Variants in POU6F2 observed in about 807,000 individuals in gnomAD.
POU6F2 encodes the protein POU class 6 homeobox 2, also known as POU domain, class 6, transcription factor 2.
In POU6F2, 31 loss-of-function variants were observed where a neutral mutation model predicts 71.3. The observed-to-expected ratio is 0.43, with a 90% confidence interval of 0.33 to 0.59. The LOEUF is 0.59. Among genes scored for constraint, POU6F2 ranks in the 20% least tolerant of loss-of-function variants. POU6F2 has a pLI of 0.04. For synonymous variants in POU6F2, 347 were observed against 355.7 expected, an observed-to-expected ratio of 0.98 and a Z score of 0.27; for missense variants, 783 against 856.8, an observed-to-expected ratio of 0.91 and a Z score of 1.07.
At chr7:39,443,901 TC>T (rs1457456554) in intron 7 of POU6F2, among the ~76,000 whole-genome samples, 2 of 152,206 alleles carry the variant, frequency 1.3e-5, no homozygotes, top group African/African-American at 4.8e-5. Context: ...AGAGCATAGT[TC>T]TGAAGGTAAA....
chr7:39,353,233 C>G (rs1267670735), intron 5 of POU6F2, among the ~76,000 whole-genome samples: 1 of 152,196 alleles, frequency 6.6e-6, no homozygotes, highest in African/African-American at 2.4e-5. Flanking sequence ...CTTCAAAGAA[C>G]AGAAACCTAC....
At chr7:39,366,625 A>T (rs1786507450) in intron 5 of POU6F2, among the ~76,000 whole-genome samples, 1 of 152,124 alleles carries the variant, frequency 6.6e-6, no homozygotes, top group South Asian at 2.1e-4. Flanking sequence ...GCGGGTAGGG[A>T]ACAGCCACCA....
rs562818824 is a variant in POU6F2, at chr7:38,999,388, G to T, written c.105+21330G>T. ...GGGTTTTCATAAAGGCATGATCCAAGGCTGTTCAGGTACTCCATTTTTATC... is the reference window on the plus strand; with the variant it reads ...GGGTTTTCATAAAGGCATGATCCAATGCTGTTCAGGTACTCCATTTTTATC... On this transcript the variant is annotated intron_variant, in intron 1 of 9. Transcript: ENST00000518318. Among the ~76,000 whole-genome samples the T allele has an allele frequency of 2.6e-5, 4 of 152,282 alleles. No individual in the cohort carries two copies. In the South Asian group the frequency reaches 8.3e-4, roughly 32 times the overall value.
chr7:39,196,146 A>C (rs1274160607), intron 2 of POU6F2, among the ~76,000 whole-genome samples: 2 of 152,208 alleles, frequency 1.3e-5, no homozygotes, highest in Non-Finnish European at 2.9e-5. Flanking sequence ...GCGGCCAGCC[A>C]GGAGAGAAAA....
At chr7:39,317,472 G>C (rs896458730) in intron 4 of POU6F2, among the ~76,000 whole-genome samples, 2 of 152,204 alleles carry the variant, frequency 1.3e-5, no homozygotes, top group Non-Finnish European at 1.5e-5. Flanking sequence ...TCACAACTCA[G>C]TTTTTGTGCC....
chr7:39,184,902 A>T lies in POU6F2; in HGVS notation c.278-19333A>T, dbSNP rs1048249765. Among the ~76,000 whole-genome samples, 12 of 152,308 alleles carry T rather than the reference A, an allele frequency of 7.9e-5. No homozygotes were observed. The South Asian group carries it at 1.5e-3, about 18-fold the overall frequency. ...TATGTAACCAGAACAAACAGAGGAC[A>T]TAGGAAAGGTGGAAAAAAGTTAGAT... On this transcript the variant is annotated intron_variant, in intron 2 of 9. Coordinates refer to ENST00000518318, the MANE Select transcript of POU6F2 (RefSeq NM_001370959.1).
At chr7:39,040,490 A>G (rs1790171231) in intron 1 of POU6F2, among the ~76,000 whole-genome samples, 1 of 151,756 alleles carries the variant, frequency 6.6e-6, no homozygotes, top group Non-Finnish European at 1.5e-5. Context: ...AATGGAATGA[A>G]AATTTTCTGT....
intron 4 of POU6F2, among the ~76,000 whole-genome samples, chr7:39,217,708 A>G (rs539313217): frequency 4.6e-5 from 7 of 152,316 alleles, no homozygotes; most frequent in Admixed American, 3.3e-4. Context: ...AATCCACCAT[A>G]AAGAAGTTAT....
chr7:39,352,211 G>A (rs1735109520), intron 5 of POU6F2, among the ~76,000 whole-genome samples: 1 of 152,158 alleles, frequency 6.6e-6, no homozygotes, highest in African/African-American at 2.4e-5. Context: ...GTGGTCTGTG[G>A]CCACTAACTA....
At chr7:39,283,401 A>C (rs901203333) in intron 4 of POU6F2, among the ~76,000 whole-genome samples, 2 of 152,150 alleles carry the variant, frequency 1.3e-5, no homozygotes, top group African/African-American at 4.8e-5. Flanking sequence ...ACTCAAGCTC[A>C]GTACTCATTA....
At chr7:39,072,952 T>C (rs1406766073) in intron 1 of POU6F2, among the ~76,000 whole-genome samples, 1 of 152,200 alleles carries the variant, frequency 6.6e-6, no homozygotes, top group Non-Finnish European at 1.5e-5. Flanking sequence ...GAAAATGTTA[T>C]TACTGTGAAA....
At chr7:39,320,779 G>A (rs143123650) in intron 4 of POU6F2, among the ~76,000 whole-genome samples, 4 of 152,326 alleles carry the variant, frequency 2.6e-5, no homozygotes, top group African/African-American at 9.6e-5. Context: ...TTTTGGCCGA[G>A]TGCAGTGGCC....
intron 4 of POU6F2, among the ~76,000 whole-genome samples, chr7:39,306,298 A>G (rs1487000977): frequency 6.6e-6 from 1 of 152,246 alleles, no homozygotes; most frequent in African/African-American, 2.4e-5. Context: ...AAACTCACAA[A>G]GGAAATAATA....
chr7:39,077,624 G>T (rs1334351893), intron 1 of POU6F2, among the ~76,000 whole-genome samples: 1 of 152,174 alleles, frequency 6.6e-6, no homozygotes, highest in Admixed American at 6.5e-5. Context: ...GACAGGAGAG[G>T]AGGACACTTA....
chr7:39,366,245 C>A (rs1328385188), intron 5 of POU6F2, among the ~76,000 whole-genome samples: 1 of 152,152 alleles, frequency 6.6e-6, no homozygotes, highest in East Asian at 1.9e-4. Flanking sequence ...ATTGACAATA[C>A]CAGAGCATGA....
chr7:39,233,837 A>G (rs1308850615), intron 4 of POU6F2, among the ~76,000 whole-genome samples: 3 of 152,086 alleles, frequency 2.0e-5, no homozygotes, highest in Non-Finnish European at 4.4e-5. Flanking sequence ...AATTATATCA[A>G]TCCATCTGCG....
intron 4 of POU6F2, among the ~76,000 whole-genome samples, chr7:39,211,010 C>G (rs996143452): frequency 6.6e-6 from 1 of 152,152 alleles, no homozygotes; most frequent in African/African-American, 2.4e-5. Context: ...AGGCCCACTT[C>G]CTGGTTCATA....
Position 39,150,664 on chromosome 7 carries a change from C to T in POU6F2, c.278-53571C>T, listed in dbSNP as rs1039005532. Among the ~76,000 whole-genome samples, 7 of 151,574 alleles carry T rather than the reference C, an allele frequency of 4.6e-5. No individual in the cohort carries two copies. The East Asian group carries it at 5.8e-4, about 13-fold the overall frequency. The stretch of plus-strand genomic sequence containing the variant: ...TGTATTTTTAGTACAGATGGGGTTT[C>T]GTCATGTTGGCCAGGCTGGTCTCGA... On this transcript the variant is annotated intron_variant, in intron 2 of 9. Coordinates refer to ENST00000518318, the MANE Select transcript of POU6F2 (RefSeq NM_001370959.1).
chr7:38,988,366 T>C (rs1292009293), intron 1 of POU6F2, among the ~76,000 whole-genome samples: 1 of 152,042 alleles, frequency 6.6e-6, no homozygotes. Flanking sequence ...CAGGTGATTC[T>C]AGTGCACTCT....
Sources: gnomAD v4.1 joint callset for allele counts (sites outside exome capture counted in the v4.1 genomes callset) on GRCh38, gnomAD v4.1.1 for gene constraint, MANE v1.5 for transcripts, NCBI Gene and HGNC (gene_info 2026-07-23, HGNC 2026-07-21) for gene names.